The following ABCD4 variants were observed in gnomAD, a reference collection of about 807,000 sequenced individuals.
The protein encoded by ABCD4 is lysosomal cobalamin transporter ABCD4.
A neutral mutation model predicts 86.3 loss-of-function variants in ABCD4; 53 were observed. The observed-to-expected ratio is 0.61, with a 90% CI of 0.49 to 0.77. The LOEUF (loss-of-function observed/expected upper bound fraction) is 0.77, where lower values mean the gene tolerates loss of function less well. Ranked by LOEUF, ABCD4 falls within the 30% of genes least tolerant of loss-of-function variation. ABCD4 has a pLI of 0.00. For missense variants in ABCD4, 757 were observed against 764.5 expected (o/e 0.99, Z 0.12); for synonymous variants, 328 against 313.6 (o/e 1.05, Z -0.49).
intron 4 of ABCD4, 95 bp from the exon 5 acceptor site, chr14:74,296,544 G>A: frequency 8.9e-7 from 1 of 1,127,984 alleles, no homozygotes; most frequent in Non-Finnish European, 1.3e-6. Context: ...TCTTGACCTT[G>A]CCTCACAGTG....
intron 18 of ABCD4, 63 bp from the exon 19 acceptor site, chr14:74,286,592 C>T (rs181384148): frequency 4.8e-4 from 772 of 1,612,192 alleles, no homozygotes; most frequent in Non-Finnish European, 5.8e-4. Context: ...GGAGGCCACT[C>T]GGTTCTCTCT....
In ABCD4 at chr14:74,292,544, G is replaced by A. The variant is rs765014607; in HGVS notation, c.1028+7C>T. ...TCAGGAGCCAGAGGGGTGGGACACG[G>A]CCTCACCTGTGCGTGTAGCCAGCCA... On this transcript the variant is annotated splice_region_variant and intron_variant, in intron 10 of 18. Transcript: ENST00000356924. 1.2e-6 allele frequency: 2 copies of A among 1,613,630 alleles called. No individual in the cohort carries two copies. Among genetic ancestry groups the A allele is most frequent in the Non-Finnish European group, 1.7e-6 (2 of 1,179,762 alleles).
intron 3 of ABCD4, 76 bp downstream of exon 3, chr14:74,299,472 G>A: frequency 6.4e-7 from 1 of 1,564,628 alleles, no homozygotes; most frequent in Non-Finnish European, 8.7e-7. Context: ...GCTTCCTGGA[G>A]GCTAAGTTCC....
intron 11 of ABCD4, 70 bp from the exon 12 acceptor site, chr14:74,290,569 T>C (rs2081226803): frequency 1.7e-6 from 2 of 1,212,020 alleles, no homozygotes; most frequent in African/African-American, 3.0e-5. Flanking sequence ...GAGGCACTGC[T>C]CCCGGGAGCC....
In ABCD4 at chr14:74,299,985, C is replaced by T. The variant is rs7152717; in HGVS notation, c.157+165G>A. The T allele has an allele frequency of 0.011, 6,524 of 588,592 alleles. 317 individuals carry two copies. The African/African-American group carries it at 0.11, about 10-fold the overall frequency. 36.5% of individuals were successfully genotyped at this position (588,592 alleles called of 1,614,324 possible). On this transcript the variant is annotated intron_variant, in intron 2 of 18. Coordinates refer to ENST00000356924, the MANE Select transcript of ABCD4 (RefSeq NM_005050.4). ...GGCGAAGGCAGGAGAATCACTTGAA[C>T]CAGGGAGGCAGAGGTTGCAGTGAGC...
chr14:74,290,522 C>T (rs369452408), intron 11 of ABCD4, 23 bp from the exon 12 acceptor site: 98 of 1,600,460 alleles, frequency 6.1e-5, no homozygotes, highest in Non-Finnish European at 7.7e-5. Context: ...AGAGAGGGGG[C>T]GTGAGGAAGA....
intron 13 of ABCD4, chr14:74,289,806 T>C: frequency 7.0e-7 from 1 of 1,438,480 alleles, no homozygotes; most frequent in Non-Finnish European, 9.1e-7. Flanking sequence ...GCGTGAGTCC[T>C]TGCCCCATTT....
At chr14:74,302,764 G>C (rs907744922) in intron 1 of ABCD4, 111 bp downstream of exon 1, 4 of 1,226,024 alleles carry the variant, frequency 3.3e-6, no homozygotes, top group African/African-American at 3.2e-5. Context: ...GAAGTCACGG[G>C]GGCGAGACGG....
chr14:74,300,559 C>T (rs1315227793), intron 1 of ABCD4, among the ~76,000 whole-genome samples: 2 of 102,680 alleles, frequency 1.9e-5, no homozygotes, highest in African/African-American at 7.6e-5. Flanking sequence ...GCCATTGCAA[C>T]AAGAGCCTGG....
intron 18 of ABCD4, 32 bp downstream of exon 18, chr14:74,286,669 C>T (rs755980932): frequency 1.1e-5 from 18 of 1,613,662 alleles, no homozygotes; most frequent in Non-Finnish European, 1.5e-5. Flanking sequence ...GGTTCTTTCT[C>T]CTCCTCAGGC....
At chr14:74,289,575 C>T in intron 13 of ABCD4, 56 bp from the exon 14 acceptor site, 3 of 1,599,764 alleles carry the variant, frequency 1.9e-6, no homozygotes, top group African/African-American at 1.3e-5. Flanking sequence ...GACGGAGCTG[C>T]ACACAGCCCA....
chr14:74,293,443 A>G (rs1319010377), intron 7 of ABCD4, 195 bp from the exon 8 acceptor site: 6 of 509,618 alleles, frequency 1.2e-5, no homozygotes, highest in Admixed American at 3.4e-5. Flanking sequence ...AAGAACATAA[A>G]CTCTAGAGTT....
intron 7 of ABCD4, chr14:74,293,513 C>A: frequency 2.8e-6 from 1 of 357,206 alleles, no homozygotes; most frequent in East Asian, 4.5e-5. Context: ...CACAGGCAGG[C>A]TACTTAAGCC....
chr14:74,295,642 T>C, intron 6 of ABCD4: 1 of 623,182 alleles, frequency 1.6e-6, no homozygotes, highest in Middle Eastern at 4.1e-4. Context: ...TCAGGTATGA[T>C]TTCATTAATC....
chr14:74,295,174 C>G lies in ABCD4; in HGVS notation c.693G>C (p.Val231=). Residue 231 remains valine (V), a synonymous_variant, in exon 7 of 19, where the codon GTG becomes GTC. Transcript: ENST00000356924. ...TGTAGAAAGCAGCAGGCTCCGCATT[C>G]ACCCGAATCTGCATGTGCTTGAACC... ...DFRFKHMQIR[V]NAEPAAFYRA... 6.2e-7 allele frequency: 1 copy of G among 1,614,224 alleles called. No individual in the cohort carries two copies. The highest frequency in any genetic ancestry group is 8.5e-7 in the Non-Finnish European group (1 of 1,180,048).
intron 4 of ABCD4, chr14:74,296,733 G>A (rs1190015038): frequency 5.6e-6 from 2 of 354,092 alleles, no homozygotes; most frequent in Non-Finnish European, 1.0e-5. Flanking sequence ...CCAGCTCTGA[G>A]CAGAGCCAAA....
Position 74,293,229 on chromosome 14 carries a change from T to G in ABCD4, c.739A>C (p.Met247Leu), listed in dbSNP as rs377396654. ...CTCTGCAGCCTGCGGTCTGTCCTCA[T>G]GTGCTCCACATGCCCAGCTCTGACA... ...AFYRAGHVEH[M>L]RTDRRLQRLL... The change falls in exon 8 of 19, where the codon ATG (methionine) becomes CTG (leucine). Residue 247 changes from methionine (M) to leucine (L), a missense_variant. By Grantham distance (15) the Met-to-Leu change is conservative (BLOSUM62 2). Coordinates refer to ENST00000356924, the MANE Select transcript of ABCD4 (RefSeq NM_005050.4). 1 of 1,614,158 alleles carries G rather than the reference T, an allele frequency of 6.2e-7. No individual in the cohort carries two copies. The highest frequency in any genetic ancestry group is 1.7e-5 in the Admixed American group (1 of 60,022).
At chr14:74,289,166 G>A (rs1645690148) in intron 14 of ABCD4, 2 of 1,225,380 alleles carry the variant, frequency 1.6e-6, no homozygotes, top group Non-Finnish European at 2.0e-6. Context: ...CATGGATGAT[G>A]CAGGGGTGGG....
chr14:74,292,699 C>G (rs771421814), intron 9 of ABCD4, 49 bp downstream of exon 9: 5 of 1,613,728 alleles, frequency 3.1e-6, no homozygotes, highest in Non-Finnish European at 3.4e-6. Context: ...AGACACTGGG[C>G]CAAGGACAGA....
Sources: gnomAD v4.1 joint callset for allele counts (sites outside exome capture counted in the v4.1 genomes callset) on GRCh38, gnomAD v4.1.1 for gene constraint, MANE v1.5 for transcripts, NCBI Gene and HGNC (gene_info 2026-07-23, HGNC 2026-07-21) for gene names.